PPP2R2B: variants seen among roughly 807,000 people sequenced by gnomAD.
PPP2R2B encodes the protein protein phosphatase 2 regulatory subunit Bbeta.
A neutral mutation model predicts 46.0 loss-of-function variants in PPP2R2B; 5 were observed. The ratio of observed to expected loss-of-function variants is 0.11; its 90% confidence interval spans 0.06 to 0.23. The LOEUF (loss-of-function observed/expected upper bound fraction) is 0.23. Among genes scored for constraint, PPP2R2B ranks in the 10% least tolerant of loss-of-function variants. The pLI is 1.00. For synonymous variants in PPP2R2B, 215 were observed against 206.7 expected (o/e 1.04, Z -0.34); for missense variants, 367 against 575.0 (o/e 0.64, Z 3.70).
In PPP2R2B at chr5:147,052,129, ATCT is replaced by A. The variant is rs199612936; in HGVS notation, c.79+3533_79+3535del. Among the ~76,000 whole-genome samples, 93 of 152,124 alleles carry A rather than the reference ATCT, an allele frequency of 6.1e-4. No individual in the cohort carries two copies. In the East Asian group the frequency reaches 0.015, roughly 25 times the overall value. On this transcript the variant is annotated intron_variant, in intron 1 of 8. Coordinates refer to the PPP2R2B transcript ENST00000336640. ...TTTGGTTGCCCTGGCTTCTGTTTGT[ATCT>A]TCTTATTTCAAGTTAAAGAACATTA...
At position 146,976,870 on chromosome 5, in the gene PPP2R2B, C is replaced by T. The variant is rs182324233; in HGVS notation, c.79+78795G>A. ...GACTACTCCTCAGCCACCCCATCAA[C>T]ACCTTCCTACCCATCACTCCCATAA... On this transcript the variant is annotated intron_variant, in intron 1 of 8. Coordinates refer to the PPP2R2B transcript ENST00000336640. Among the ~76,000 whole-genome samples, 632 of 152,254 alleles carry T rather than the reference C, an allele frequency of 4.2e-3. 3 individuals carry two copies. The highest frequency in any genetic ancestry group is 0.014 in the African/African-American group (598 of 41,556).
chr5:146,838,070 C>T (rs553429807), intron 2 of PPP2R2B, among the ~76,000 whole-genome samples: 7 of 152,028 alleles, frequency 4.6e-5, no homozygotes, highest in South Asian at 2.1e-4. Context: ...TGTCCTATGG[C>T]GTTAAAGAAA....
At chr5:146,974,173 A>G (rs777019292) in intron 1 of PPP2R2B, among the ~76,000 whole-genome samples, 1 of 152,256 alleles carries the variant, frequency 6.6e-6, no homozygotes, top group Non-Finnish European at 1.5e-5. Context: ...ATATTTTAAA[A>G]GAACAAAAAA....
In PPP2R2B at chr5:146,639,289, T is replaced by C. The variant is rs373148009; in HGVS notation, c.626-874A>G. Among the ~76,000 whole-genome samples the C allele has an allele frequency of 3.2e-4, 49 of 152,352 alleles. No homozygotes were observed. In the South Asian group the frequency reaches 6.0e-3, roughly 19 times the overall value. On this transcript the variant is annotated intron_variant, in intron 6 of 9. Transcript: ENST00000394411. ...AACAAGCCATCCAGTTGGAAAGTTT[T>C]AGGGTCCCGTGGAAAATATCCTTAG...
intron 1 of PPP2R2B, chr5:146,914,209 A>G (rs1763292892): frequency 6.6e-6 from 1 of 152,214 alleles, no homozygotes; most frequent in East Asian, 1.9e-4. Context: ...ATGTTACAAT[A>G]CTTTTAAAGA....
chr5:147,017,741 G>T (rs1035484514), intron 1 of PPP2R2B, among the ~76,000 whole-genome samples: 1 of 148,862 alleles, frequency 6.7e-6, no homozygotes, highest in Non-Finnish European at 1.5e-5. Flanking sequence ...TTTGGCAAAA[G>T]GCATTGTAAA....
At chr5:146,823,364 AT>A (rs553852640) in intron 2 of PPP2R2B, among the ~76,000 whole-genome samples, 1 of 151,734 alleles carries the variant, frequency 6.6e-6, no homozygotes, top group African/African-American at 2.4e-5. Context: ...GGCCCGCCTA[AT>A]TTTTTTTATT....
At chr5:147,018,303 C>A (rs963869443) in intron 1 of PPP2R2B, among the ~76,000 whole-genome samples, 1 of 152,016 alleles carries the variant, frequency 6.6e-6, no homozygotes, top group South Asian at 2.1e-4. Context: ...TTCTATCATC[C>A]AGTCATGACA....
chr5:146,981,124 A>C (rs1039249449), intron 1 of PPP2R2B, among the ~76,000 whole-genome samples: 3 of 152,184 alleles, frequency 2.0e-5, no homozygotes, highest in Non-Finnish European at 4.4e-5. Flanking sequence ...AAGAGCAGGC[A>C]GGAAATTCTG....
chr5:146,944,431 C>A (rs72825261), intron 1 of PPP2R2B, among the ~76,000 whole-genome samples: 41 of 152,112 alleles, frequency 2.7e-4, no homozygotes, highest in Admixed American at 2.7e-3. Flanking sequence ...AAACGCCAAA[C>A]GATTTGAAAG....
chr5:146,643,779 A>G (rs1775387337), intron 6 of PPP2R2B, among the ~76,000 whole-genome samples: 1 of 152,272 alleles, frequency 6.6e-6, no homozygotes, highest in South Asian at 2.1e-4. Flanking sequence ...CATATGGTAT[A>G]ATCCCAACTA....
At position 146,686,661 on chromosome 5, in the gene PPP2R2B, C is replaced by G. The variant is rs545788814; in HGVS notation, c.447+4467G>C. 2.1e-3 allele frequency among the ~76,000 whole-genome samples: 318 copies of G among 152,264 alleles called. 1 individual carries two copies. The highest frequency in any genetic ancestry group is 1.6e-3 in the Non-Finnish European group (110 of 68,022). The stretch of plus-strand genomic sequence containing the variant: ...ATTTTGGGAAGGTTATGACCAGTCA[C>G]AGCTTGGGAGCTCATATTTGTAACA... On this transcript the variant is annotated intron_variant, in intron 5 of 9. Transcript: ENST00000394411.
At chr5:146,718,752 A>G (rs1176411498) in intron 2 of PPP2R2B, among the ~76,000 whole-genome samples, 1 of 152,216 alleles carries the variant, frequency 6.6e-6, no homozygotes, top group Non-Finnish European at 1.5e-5. Context: ...TTATATGCCA[A>G]GAAGTCTGAC....
intron 4 of PPP2R2B, among the ~76,000 whole-genome samples, chr5:146,693,300 G>T (rs1189902693): frequency 6.6e-6 from 1 of 151,836 alleles, no homozygotes; most frequent in East Asian, 1.9e-4. Context: ...CTGCAGCCTT[G>T]TCTTCCTGGG....
At chr5:146,989,662 A>G (rs1008165176) in intron 1 of PPP2R2B, among the ~76,000 whole-genome samples, 1 of 152,116 alleles carries the variant, frequency 6.6e-6, no homozygotes, top group Non-Finnish European at 1.5e-5. Flanking sequence ...GCAAAAGTTG[A>G]AAGGTTTTTC....
chr5:147,077,251 G>A lies in PPP2R2B; in HGVS notation c.50+3808C>T, dbSNP rs554095414. Among the ~76,000 whole-genome samples the A allele has an allele frequency of 6.0e-4, 84 of 139,406 alleles. 2 individuals are homozygous for A. In the East Asian group the frequency reaches 0.017, roughly 27 times the overall value. 91.5% of individuals were successfully genotyped at this position (139,406 alleles called of 152,430 possible). ...GCATAAATATAATATATACATATAC[G>A]TTATACATATATGTATGTGTGTATA... is the stretch of plus-strand genomic sequence containing the variant. On this transcript the variant is annotated intron_variant, in intron 2 of 10. Coordinates refer to the PPP2R2B transcript ENST00000394413.
Position 146,944,610 on chromosome 5 carries a change from A to G in PPP2R2B, c.79+111055T>C, listed in dbSNP as rs376093414. On this transcript the variant is annotated intron_variant, in intron 1 of 8. Transcript: ENST00000336640. The stretch of plus-strand genomic sequence containing the variant: ...TGTGTCCCATGATTTAAAGAGAAAA[A>G]AAAAGGAAGAATACTCACAGGAGCG... 3.9e-5 allele frequency among the ~76,000 whole-genome samples: 6 copies of G among 152,252 alleles called. No individual in the cohort carries two copies. In the South Asian group the frequency reaches 8.3e-4, roughly 21 times the overall value.
At chr5:146,927,424 G>A (rs1763817190) in intron 1 of PPP2R2B, among the ~76,000 whole-genome samples, 4 of 152,076 alleles carry the variant, frequency 2.6e-5, no homozygotes, top group Admixed American at 2.6e-4. Context: ...GATAACTTCA[G>A]CAACAGATTA....
At chr5:147,068,114 G>A (rs1402487355) in intron 2 of PPP2R2B, among the ~76,000 whole-genome samples, 2 of 152,052 alleles carry the variant, frequency 1.3e-5, no homozygotes, top group South Asian at 2.1e-4. Context: ...TGATCCGGGT[G>A]GTAGAATGAT....
Sources: allele counts gnomAD v4.1 joint callset (sites outside exome capture counted in the v4.1 genomes callset), GRCh38; gene constraint gnomAD v4.1.1; transcripts MANE v1.5; gene names NCBI Gene and HGNC (gene_info 2026-07-23, HGNC 2026-07-21).